The following SMURF2 variants were observed in gnomAD, a reference collection of about 807,000 sequenced individuals.
SMURF2 encodes SMAD specific E3 ubiquitin protein ligase 2, also known as E3 ubiquitin-protein ligase SMURF2.
SMURF2 carries 48 observed loss-of-function variants against 109.6 expected under a neutral mutation model. That is an observed-to-expected ratio of 0.44 (90% confidence interval 0.35 to 0.56). SMURF2 has a LOEUF of 0.56. Ranked by LOEUF, SMURF2 falls within the 20% of genes least tolerant of loss-of-function variation. The pLI, the probability that SMURF2 is intolerant of heterozygous loss-of-function variation, is 0.01. For synonymous variants in SMURF2, 288 were observed against 317.1 expected (o/e 0.91, Z 0.97); for missense variants, 575 against 909.0 (o/e 0.63, Z 4.72).
chr17:64,611,434 C>CA (rs1555689579), intron 1 of SMURF2, among the ~76,000 whole-genome samples: 1 of 152,068 alleles, frequency 6.6e-6, no homozygotes, highest in Non-Finnish European at 1.5e-5. Context: ...GCGTTCCCCC[C>CA]AAAAATCACG....
intron 16 of SMURF2, among the ~76,000 whole-genome samples, chr17:64,548,623 A>T (rs1968993249): frequency 6.6e-6 from 1 of 152,138 alleles, no homozygotes; most frequent in Admixed American, 6.5e-5. Flanking sequence ...CCTGGCCTCA[A>T]GTGATCCGCC....
chr17:64,616,257 T>G (rs1216019420), intron 1 of SMURF2, among the ~76,000 whole-genome samples: 1 of 152,202 alleles, frequency 6.6e-6, no homozygotes, highest in Non-Finnish European at 1.5e-5. Flanking sequence ...TGTGCAAGTG[T>G]ACACCAACCA....
At chr17:64,642,576 C>T (rs1970505844) in intron 1 of SMURF2, among the ~76,000 whole-genome samples, 1 of 152,132 alleles carries the variant, frequency 6.6e-6, no homozygotes, top group African/African-American at 2.4e-5. Flanking sequence ...TCTTTTGAAC[C>T]AAGAATTATC....
chr17:64,609,255 G>C (rs1350776674), intron 1 of SMURF2, among the ~76,000 whole-genome samples: 1 of 151,964 alleles, frequency 6.6e-6, no homozygotes, highest in Non-Finnish European at 1.5e-5. Flanking sequence ...TCTCTTCACA[G>C]AATTGAAAAA....
rs866655677 is a variant in SMURF2, at chr17:64,661,923, G to T, written c.-43C>A. 4.3e-6 allele frequency: 5 copies of T among 1,164,888 alleles called. No individual in the cohort carries two copies. Among genetic ancestry groups the T allele is most frequent in the Non-Finnish European group, 5.3e-6 (5 of 945,266 alleles). 72.2% of individuals were successfully genotyped at this position (1,164,888 alleles called of 1,614,324 possible). ...CGGCGGGGGCGGCGGGCGGCACGGGGGCGACGGCGAGGCGCGGCGGAGTCA... is the reference window on the plus strand; with the variant it reads ...CGGCGGGGGCGGCGGGCGGCACGGGTGCGACGGCGAGGCGCGGCGGAGTCA... On this transcript the variant is annotated 5_prime_UTR_variant, in exon 1 of 19. Coordinates refer to ENST00000262435, the MANE Select transcript of SMURF2 (RefSeq NM_022739.4).
intron 2 of SMURF2, among the ~76,000 whole-genome samples, chr17:64,601,079 C>T (rs1555688501): frequency 6.6e-6 from 1 of 151,920 alleles, no homozygotes; most frequent in Non-Finnish European, 1.5e-5. Context: ...TAAGACCACC[C>T]CCCATCCCCC....
At chr17:64,633,361 T>C (rs1005195583) in intron 1 of SMURF2, among the ~76,000 whole-genome samples, 1 of 152,038 alleles carries the variant, frequency 6.6e-6, no homozygotes, top group Non-Finnish European at 1.5e-5. Context: ...CAAAATCAAA[T>C]AGAGGAAAGA....
rs1029946458 is a variant in SMURF2, at chr17:64,562,701, G to T, written c.1212+70C>A. 4.8e-6 allele frequency: 7 copies of T among 1,454,522 alleles called. No individual in the cohort carries two copies. The African/African-American group carries it at 9.9e-5, about 21-fold the overall frequency. The allele number at this position is 1,454,522 out of a possible 1,614,324, so 90.1% of individuals were successfully genotyped here. A position where few individuals can be genotyped will look rare whatever the true frequency, so the allele number is the denominator to read the frequency against. The stretch of plus-strand genomic sequence containing the variant: ...CCAATTTCTCTCTAATTTAAAATAA[G>T]GTTTGTATTAGCAAGCAATGGGTTT... On this transcript the variant is annotated intron_variant, in intron 11 of 18. Transcript: ENST00000262435.
chr17:64,643,268 C>G (rs782022347), intron 1 of SMURF2, among the ~76,000 whole-genome samples: 1 of 152,130 alleles, frequency 6.6e-6, no homozygotes, highest in Non-Finnish European at 1.5e-5. Flanking sequence ...AGCCACCCAC[C>G]TGCGCTGGCC....
intron 10 of SMURF2, among the ~76,000 whole-genome samples, chr17:64,568,489 T>C (rs1399761396): frequency 1.3e-5 from 2 of 152,164 alleles, no homozygotes; most frequent in Non-Finnish European, 2.9e-5. Context: ...TGATTACCAT[T>C]GTACATTTGT....
rs782012491 is a variant in SMURF2, at chr17:64,593,400, T to C, written c.334+40A>G. ...ACAAATACATATACACACACACACA[T>C]ATATGTTTTTTAATTGGAAAAGCAC... On this transcript the variant is annotated intron_variant, in intron 4 of 18. Transcript: ENST00000262435. 68 of 1,583,918 alleles carry C rather than the reference T, an allele frequency of 4.3e-5. No individual in the cohort carries two copies. The highest frequency in any genetic ancestry group is 2.3e-4 in the Middle Eastern group (1 of 4,304).
At position 64,593,426 on chromosome 17, in the gene SMURF2, T is replaced by C. The variant is rs532835205; in HGVS notation, c.334+14A>G. 1.9e-6 allele frequency: 3 copies of C among 1,598,918 alleles called. No homozygotes were observed. The South Asian group carries it at 3.3e-5, about 18-fold the overall frequency. ...ATATGTTTTTTAATTGGAAAAGCAC[T>C]CGTATCTACTCACAACCAGTGTCTT... On this transcript the variant is annotated intron_variant, in intron 4 of 18. Transcript: ENST00000262435.
chr17:64,565,662 T>A (rs80198587), intron 10 of SMURF2, among the ~76,000 whole-genome samples: 7,531 of 151,978 alleles, frequency 0.05, 294 homozygotes, highest in Admixed American at 0.13. Context: ...ATCCCAGCTC[T>A]AGCACCTTTT....
chr17:64,597,914 G>A (rs1262289448), intron 3 of SMURF2, among the ~76,000 whole-genome samples: 1 of 152,158 alleles, frequency 6.6e-6, no homozygotes, highest in Non-Finnish European at 1.5e-5. Context: ...AATCAGGAAT[G>A]AGAATGGAGC....
intron 2 of SMURF2, among the ~76,000 whole-genome samples, chr17:64,602,803 C>A (rs1365559845): frequency 3.9e-5 from 6 of 152,084 alleles, no homozygotes; most frequent in Non-Finnish European, 8.8e-5. Context: ...TGGCACATGC[C>A]TGTAGTCCCA....
In SMURF2 at chr17:64,547,762, A is replaced by G. The variant is rs2144583754; in HGVS notation, c.1909T>C (p.Trp637Arg). The G allele has an allele frequency of 6.2e-7, 1 of 1,614,234 alleles. No individual in the cohort carries two copies. Among genetic ancestry groups the G allele is most frequent in the South Asian group, 1.1e-5 (1 of 91,088 alleles). The change falls in exon 17 of 19, where the codon TGG (tryptophan) becomes CGG (arginine). Residue 637 changes from tryptophan to arginine, a missense_variant. By Grantham distance (101) the Trp-to-Arg change is moderately radical. This residue lies in a region of SMURF2 where 361 missense variants were observed against 612.1 expected (regional missense o/e 0.59). Coordinates refer to ENST00000262435, the MANE Select transcript of SMURF2 (RefSeq NM_022739.4). This position sits in a 1 kb window ranked among gnomAD's most constrained non-coding sequence, Gnocchi z 4.2. Reference sequence around the variant, plus strand: ...TGTTTTAACCGGGTGTTTACCTTCCAGTCATTAACATCTATCTTTCCAAGT... The same window carrying G: ...TGTTTTAACCGGGTGTTTACCTTCCGGTCATTAACATCTATCTTTCCAAGT... ...CGLGKIDVND[W>R]KVNTRLKHCT...
intron 1 of SMURF2, among the ~76,000 whole-genome samples, chr17:64,621,801 A>G (rs1970206307): frequency 6.6e-6 from 1 of 150,582 alleles, no homozygotes; most frequent in Non-Finnish European, 1.5e-5. Context: ...TTGAACCGGG[A>G]CCCGGGAGGC....
intron 18 of SMURF2, 22 bp downstream of exon 18, chr17:64,546,241 T>C (rs782443083): frequency 1.2e-6 from 2 of 1,609,652 alleles, no homozygotes; most frequent in East Asian, 4.5e-5. Context: ...GAATGGGGAA[T>C]ACAGCTACAA....
At chr17:64,578,857 A>AT (rs1330861233) in intron 8 of SMURF2, among the ~76,000 whole-genome samples, 7 of 152,244 alleles carry the variant, frequency 4.6e-5, no homozygotes, top group Non-Finnish European at 8.8e-5. Flanking sequence ...GATTGTCACA[A>AT]TACTAATAAC....
Sources: allele counts gnomAD v4.1 joint callset (sites outside exome capture counted in the v4.1 genomes callset), GRCh38; gene constraint gnomAD v4.1.1; regional missense constraint gnomAD v4.1.1; non-coding constraint Gnocchi (gnomAD v3.1); transcripts MANE v1.5; gene names NCBI Gene and HGNC (gene_info 2026-07-23, HGNC 2026-07-21).